The following FMN2 variants were observed in gnomAD, a reference collection of about 807,000 sequenced individuals.
FMN2 encodes the protein formin 2.
In FMN2, 51 loss-of-function variants were observed where a neutral mutation model predicts 142.3. That is an observed-to-expected ratio of 0.36 (90% confidence interval 0.29 to 0.45). FMN2 has a LOEUF of 0.45. FMN2 is among the 20% of genes least tolerant of loss of function. The pLI, the probability that FMN2 is intolerant of heterozygous loss-of-function variation, is 1.00. For missense variants in FMN2, 1,936 were observed against 2,122.8 expected (o/e 0.91, Z 1.73); for synonymous variants, 882 against 869.8 (o/e 1.01, Z -0.25).
chr1:240,414,026 T>A (rs977477264), intron 15 of FMN2, among the ~76,000 whole-genome samples: 1 of 152,258 alleles, frequency 6.6e-6, no homozygotes, highest in Non-Finnish European at 1.5e-5. Flanking sequence ...GGAACATTTT[T>A]AAAATGCCAA....
At chr1:240,284,939 G>A (rs1669534319) in intron 7 of FMN2, among the ~76,000 whole-genome samples, 2 of 152,032 alleles carry the variant, frequency 1.3e-5, no homozygotes, top group Non-Finnish European at 2.9e-5. Flanking sequence ...CTACTCTCAG[G>A]AACTGGTCAA....
At chr1:240,214,675 T>C (rs1666827702) in intron 6 of FMN2, among the ~76,000 whole-genome samples, 1 of 152,184 alleles carries the variant, frequency 6.6e-6, no homozygotes, top group Non-Finnish European at 1.5e-5. Flanking sequence ...AAGTGTTTAG[T>C]CCAATCTCCT....
intron 2 of FMN2, among the ~76,000 whole-genome samples, chr1:240,129,089 G>A (rs1662631652): frequency 6.6e-6 from 1 of 152,030 alleles, no homozygotes; most frequent in Non-Finnish European, 1.5e-5. Context: ...GGCCACCCTG[G>A]TCTTGAACTC....
chr1:240,388,227 CAAAAAAA>C (rs761610582), intron 14 of FMN2, among the ~76,000 whole-genome samples: 1 of 6,052 alleles, frequency 1.7e-4, no homozygotes. Context: ...GTGCTCAAAG[CAAAAAAA>C]AAAAAAAAAA....
intron 4 of FMN2, among the ~76,000 whole-genome samples, chr1:240,193,433 G>T (rs970542348): frequency 6.6e-6 from 1 of 152,230 alleles, no homozygotes; most frequent in Non-Finnish European, 1.5e-5. Context: ...AACAAAAAGG[G>T]TGAAGGTTGT....
chr1:240,350,238 A>G (rs1261201479), intron 13 of FMN2, among the ~76,000 whole-genome samples: 2 of 152,246 alleles, frequency 1.3e-5, no homozygotes, highest in Non-Finnish European at 2.9e-5. Context: ...AAGTAAAGCA[A>G]CAATTACCAA....
At chr1:240,462,933 G>T (rs1676493630) in intron 16 of FMN2, among the ~76,000 whole-genome samples, 1 of 152,116 alleles carries the variant, frequency 6.6e-6, no homozygotes, top group South Asian at 2.1e-4. Context: ...CACAGGAAAA[G>T]GAAAAATGAG....
intron 2 of FMN2, among the ~76,000 whole-genome samples, chr1:240,148,971 C>CAAAAA (rs57556688): frequency 0.019 from 2,755 of 143,814 alleles, 39 homozygotes; most frequent in African/African-American, 0.034. Context: ...GACTCCGTCT[C>CAAAAA]AAAAAAAAAT....
intron 6 of FMN2, among the ~76,000 whole-genome samples, chr1:240,236,519 G>C (rs993217914): frequency 4.6e-5 from 7 of 152,172 alleles, no homozygotes; most frequent in African/African-American, 7.2e-5. Context: ...TTTGGCTCAT[G>C]GTTCTGTAGA....
chr1:240,377,861 T>C (rs1304575218), intron 14 of FMN2, among the ~76,000 whole-genome samples: 6 of 152,126 alleles, frequency 3.9e-5, no homozygotes, highest in African/African-American at 1.4e-4. Context: ...ATAAATTAAT[T>C]CCCCCATAAT....
intron 14 of FMN2, among the ~76,000 whole-genome samples, chr1:240,388,586 C>T (rs994342907): frequency 7.2e-5 from 11 of 152,012 alleles, no homozygotes; most frequent in African/African-American, 2.7e-4. Flanking sequence ...GTCCATTAGG[C>T]GTCATAAAAA....
chr1:240,426,405 C>T (rs565246329), intron 15 of FMN2, among the ~76,000 whole-genome samples: 2 of 152,210 alleles, frequency 1.3e-5, no homozygotes, highest in South Asian at 4.2e-4. Flanking sequence ...ATATTCTACC[C>T]TCTTAAAAAT....
At chr1:240,103,047 G>A (rs1322985085) in intron 1 of FMN2, among the ~76,000 whole-genome samples, 3 of 150,766 alleles carry the variant, frequency 2.0e-5, no homozygotes, top group African/African-American at 7.3e-5. Flanking sequence ...GCATTTTTTT[G>A]TAGAGACGGG....
At position 240,411,423 on chromosome 1, in the gene FMN2, G is replaced by C. The variant is rs184679411; in HGVS notation, c.4910+18861G>C. Among the ~76,000 whole-genome samples, 428 of 152,052 alleles carry C rather than the reference G, an allele frequency of 2.8e-3. 1 individual carries two copies. Among genetic ancestry groups the C allele is most frequent in the African/African-American group, 0.01 (419 of 41,492 alleles). On this transcript the variant is annotated intron_variant, in intron 15 of 17. Coordinates refer to ENST00000319653, the MANE Select transcript of FMN2 (RefSeq NM_020066.5). The stretch of plus-strand genomic sequence containing the variant: ...CCATCTCTACTAAAAATACAGAAAT[G>C]AGCCAGGCATGCTGTCACATGCCTG...
At position 240,208,513 on chromosome 1, in the gene FMN2, C is replaced by G. The variant is rs780415159; in HGVS notation, c.3701C>G (p.Pro1234Arg). 6.2e-7 allele frequency: 1 copy of G among 1,612,430 alleles called. No homozygotes were observed. The highest frequency in any genetic ancestry group is 8.5e-7 in the Non-Finnish European group (1 of 1,179,410). ...CCTCCACCTGGGACAGGAATCCCAC[C>G]GCCCCCTCTGCTTCCTGTATCAGGC... is the stretch of plus-strand genomic sequence containing the variant. ...PLPPPGTGIP[P>R]PPLLPVSGPP... The change falls in exon 5 of 18, where the codon CCG becomes CGG. Residue 1234 changes from proline to arginine, a missense_variant. Around this residue, in one of 8 missense-constraint regions of FMN2, gnomAD observed 259 missense variants for 230.9 expected, o/e 1.12. Transcript: ENST00000319653.
rs756004772 is a variant in FMN2 at position 240,207,412 on chromosome 1, C to G, written c.2600C>G (p.Ser867Cys). 9.3e-6 allele frequency: 15 copies of G among 1,613,840 alleles called. No homozygotes were observed. Among genetic ancestry groups the G allele is most frequent in the Non-Finnish European group, 1.2e-5 (14 of 1,179,870 alleles). ...CCACCTCTGCCTTGCACAGAGTCCT[C>G]CAGCTCCATGCCTGGCCTGGGCATG... ...SPPPLPCTES[S>C]SSMPGLGMVP... Residue 867 changes from serine (S) to cysteine (C), a missense_variant, in exon 5 of 18, where the codon TCC (serine) becomes TGC (cysteine). This residue lies in a region of FMN2 where 478 missense variants were observed against 462.8 expected (regional missense o/e 1.03). Transcript: ENST00000319653.
chr1:240,301,006 AT>A (rs1304599704), intron 8 of FMN2, among the ~76,000 whole-genome samples: 1 of 150,500 alleles, frequency 6.6e-6, no homozygotes, highest in African/African-American at 2.4e-5. Flanking sequence ...TTTTTTATTC[AT>A]TGTGATAATC....
Position 240,270,389 on chromosome 1 carries a change from A to G in FMN2, c.4153+12357A>G, listed in dbSNP as rs142976522. Among the ~76,000 whole-genome samples, 263 of 152,260 alleles carry G rather than the reference A, an allele frequency of 1.7e-3. 2 individuals carry two copies. Among genetic ancestry groups the G allele is most frequent in the African/African-American group, 6.1e-3 (255 of 41,572 alleles). On this transcript the variant is annotated intron_variant, in intron 7 of 17. Coordinates refer to ENST00000319653, the MANE Select transcript of FMN2 (RefSeq NM_020066.5). The stretch of plus-strand genomic sequence containing the variant: ...TCATCCAGCAATTTCACTACTGGGT[A>G]TATACCCAAAGGGAATGACTTCAGT...
chr1:240,299,866 A>C (rs1670134959), intron 8 of FMN2, among the ~76,000 whole-genome samples: 1 of 152,278 alleles, frequency 6.6e-6, no homozygotes, highest in South Asian at 2.1e-4. Context: ...ACAAAGCGGA[A>C]CAAGTTTTTC....
Sources: allele counts gnomAD v4.1 joint callset (sites outside exome capture counted in the v4.1 genomes callset), GRCh38; gene constraint gnomAD v4.1.1; regional missense constraint gnomAD v4.1.1; transcripts MANE v1.5; gene names NCBI Gene and HGNC (gene_info 2026-07-23, HGNC 2026-07-21).